The following MINDY3 variants were observed in gnomAD, a reference collection of about 807,000 sequenced individuals.
MINDY3 encodes the protein MINDY lysine 48 deubiquitinase 3, also known as ubiquitin carboxyl-terminal hydrolase MINDY-3.
Under a neutral mutation model 69.2 loss-of-function variants are expected in MINDY3, and 38 were observed. That is an observed-to-expected ratio of 0.55 (90% CI 0.42 to 0.72). MINDY3 has a LOEUF of 0.72. Ranked by LOEUF, MINDY3 falls within the 30% of genes least tolerant of loss-of-function variation. MINDY3 has a pLI of 0.00. For missense variants in MINDY3, 522 were observed against 519.0 expected, an observed-to-expected ratio of 1.01 and a Z score of -0.06; for synonymous variants, 192 against 180.1, an observed-to-expected ratio of 1.07 and a Z score of -0.53.
chr10:15,817,873 G>A (rs1839483027), intron 9 of MINDY3: 1 of 152,102 alleles, frequency 6.6e-6, no homozygotes, highest in Non-Finnish European at 1.5e-5. Flanking sequence ...GGAGGGAAGT[G>A]GAAAATAGGT....
At chr10:15,836,517 TAAAAG>T (rs1197878125) in intron 6 of MINDY3, among the ~76,000 whole-genome samples, 1 of 151,768 alleles carries the variant, frequency 6.6e-6, no homozygotes, top group African/African-American at 2.4e-5. Context: ...ATTTGTCAAA[TAAAAG>T]AAGTTTGATT....
intron 2 of MINDY3, among the ~76,000 whole-genome samples, chr10:15,846,586 T>A (rs549254238): frequency 5.3e-5 from 8 of 152,262 alleles, no homozygotes; most frequent in African/African-American, 1.9e-4. Flanking sequence ...AAATGATCTA[T>A]AAAAGATATT....
chr10:15,794,736 C>T (rs182287447), intron 11 of MINDY3, among the ~76,000 whole-genome samples: 1 of 152,008 alleles, frequency 6.6e-6, no homozygotes, highest in Non-Finnish European at 1.5e-5. Context: ...ATAAATAGTA[C>T]AAGCCTGCTA....
intron 1 of MINDY3, among the ~76,000 whole-genome samples, chr10:15,858,967 T>A (rs1834888144): frequency 6.6e-6 from 1 of 151,936 alleles, no homozygotes; most frequent in Non-Finnish European, 1.5e-5. Context: ...ACATGTAGGG[T>A]TTGGGAACTC....
intron 5 of MINDY3, 110 bp from the exon 6 acceptor site, chr10:15,837,428 G>GA: frequency 8.1e-7 from 1 of 1,240,972 alleles, no homozygotes; most frequent in Admixed American, 2.5e-5. Context: ...ATACAAACAG[G>GA]AAAGTTTTGG....
chr10:15,790,814 T>G lies in MINDY3; in HGVS notation c.956-1495A>C, dbSNP rs191161930. The stretch of plus-strand genomic sequence containing the variant: ...CGGTGTCATATTGGCACTCAAAATT[T>G]TGGAGGATCAACCTTTCGGGTGAGG... On this transcript the variant is annotated intron_variant, in intron 11 of 14. Transcript: ENST00000277632. 1.6e-3 allele frequency among the ~76,000 whole-genome samples: 243 copies of G among 152,220 alleles called. 1 individual carries two copies. The highest frequency in any genetic ancestry group is 5.7e-3 in the African/African-American group (235 of 41,564).
At position 15,789,251 on chromosome 10, in the gene MINDY3, C is replaced by G; in HGVS notation, c.1024G>C (p.Glu342Gln). 3.7e-6 allele frequency: 6 copies of G among 1,608,154 alleles called. No homozygotes were observed. The highest frequency in any genetic ancestry group is 5.1e-6 in the Non-Finnish European group (6 of 1,175,526). The change falls in exon 12 of 15, where the codon GAA becomes CAA. Residue 342 changes from glutamate to glutamine, a missense_variant. Transcript: ENST00000277632. ...MKALDLVSDP[E>Q]YINLMKNKLD... Reference sequence around the variant, plus strand: ...AACACTTCCTATTTAGCTTACTATTCAGGATCTGAAACAAGGTCCAATGCT... The same window carrying G: ...AACACTTCCTATTTAGCTTACTATTGAGGATCTGAAACAAGGTCCAATGCT...
intron 12 of MINDY3, among the ~76,000 whole-genome samples, chr10:15,787,838 G>GTCAT (rs1837091566): frequency 6.6e-6 from 1 of 152,022 alleles, no homozygotes; most frequent in Non-Finnish European, 1.5e-5. Flanking sequence ...TGAAGGCAGG[G>GTCAT]TCATTTGTGT....
intron 2 of MINDY3, among the ~76,000 whole-genome samples, chr10:15,846,334 G>A (rs1267534719): frequency 6.6e-6 from 1 of 152,100 alleles, no homozygotes; most frequent in African/African-American, 2.4e-5. Flanking sequence ...CTGACCAAGA[G>A]GGGCAGTATT....
At chr10:15,805,056 GAGA>G (rs1252061759) in intron 10 of MINDY3, among the ~76,000 whole-genome samples, 6 of 152,146 alleles carry the variant, frequency 3.9e-5, no homozygotes, top group South Asian at 2.1e-4. Flanking sequence ...AACGCAGTGG[GAGA>G]AGAAGTTTCC....
At chr10:15,836,485 A>G (rs559974223) in intron 6 of MINDY3, among the ~76,000 whole-genome samples, 8 of 152,002 alleles carry the variant, frequency 5.3e-5, no homozygotes, top group African/African-American at 1.9e-4. Context: ...CCTAGCATAG[A>G]GTCAATCAAC....
At chr10:15,816,491 A>C (rs1839378466) in intron 10 of MINDY3, among the ~76,000 whole-genome samples, 1 of 152,034 alleles carries the variant, frequency 6.6e-6, no homozygotes, top group Non-Finnish European at 1.5e-5. Context: ...TGTATCATCT[A>C]AGTTAAATAA....
chr10:15,795,962 C>T (rs1837789062), intron 11 of MINDY3, 138 bp downstream of exon 11: 1 of 710,090 alleles, frequency 1.4e-6, no homozygotes, highest in Non-Finnish European at 2.4e-6. Flanking sequence ...TCACTACTTT[C>T]CTTTTAAAAT....
At chr10:15,802,948 G>C (rs767874326) in intron 10 of MINDY3, among the ~76,000 whole-genome samples, 2 of 151,988 alleles carry the variant, frequency 1.3e-5, no homozygotes, top group Non-Finnish European at 2.9e-5. Flanking sequence ...TGAAAAAAGA[G>C]AATAAAAAGA....
At chr10:15,849,951 T>C (rs1834157906) in intron 1 of MINDY3, among the ~76,000 whole-genome samples, 1 of 152,180 alleles carries the variant, frequency 6.6e-6, no homozygotes, top group African/African-American at 2.4e-5. Context: ...TTTCAACCCA[T>C]GAGTGAATGT....
At chr10:15,836,937 G>C (rs777404704) in intron 6 of MINDY3, among the ~76,000 whole-genome samples, 1 of 151,812 alleles carries the variant, frequency 6.6e-6, no homozygotes, top group African/African-American at 2.4e-5. Flanking sequence ...TACACGGAAG[G>C]ATCAAAGGAA....
intron 10 of MINDY3, among the ~76,000 whole-genome samples, chr10:15,809,534 C>CA (rs1378698137): frequency 6.6e-6 from 1 of 152,144 alleles, no homozygotes; most frequent in African/African-American, 2.4e-5. Context: ...TGTTCTGCCA[C>CA]AGCTCAGATG....
intron 12 of MINDY3, chr10:15,788,997 T>C (rs1424158114): frequency 6.1e-6 from 2 of 326,356 alleles, no homozygotes; most frequent in East Asian, 5.2e-5. Context: ...TTAAAGTTTA[T>C]AGAAAGACAC....
At chr10:15,791,615 G>A (rs892758776) in intron 11 of MINDY3, among the ~76,000 whole-genome samples, 6 of 151,934 alleles carry the variant, frequency 3.9e-5, no homozygotes, top group African/African-American at 1.2e-4. Flanking sequence ...CTGTTGGATT[G>A]TGGCTGAAAG....
Sources: allele counts gnomAD v4.1 joint callset (sites outside exome capture counted in the v4.1 genomes callset), GRCh38; gene constraint gnomAD v4.1.1; transcripts MANE v1.5; gene names NCBI Gene and HGNC (gene_info 2026-07-23, HGNC 2026-07-21).